The following NDST4 variants were observed in gnomAD, a reference collection of about 807,000 sequenced individuals.
The protein encoded by NDST4 is N-heparan sulfate sulfotransferase 4.
In NDST4, 63 loss-of-function variants were observed where a neutral mutation model predicts 100.8. The ratio of observed to expected loss-of-function variants is 0.62; its 90% confidence interval spans 0.51 to 0.77. NDST4 has a LOEUF of 0.77. Ranked by LOEUF, NDST4 falls within the 30% of genes least tolerant of loss-of-function variation. The pLI is 0.00. For synonymous variants in NDST4, 377 were observed against 361.8 expected (o/e 1.04, Z -0.48); for missense variants, 943 against 1,018.4 (o/e 0.93, Z 1.01).
chr4:114,893,431 G>A (rs1724641806), intron 6 of NDST4, among the ~76,000 whole-genome samples: 1 of 151,986 alleles, frequency 6.6e-6, no homozygotes, highest in African/African-American at 2.4e-5. Context: ...TTTAATAATT[G>A]CCATTCTGAC....
Position 114,889,997 on chromosome 4 carries a change from C to T in NDST4, c.1537-19047G>A, listed in dbSNP as rs530013286. The stretch of plus-strand genomic sequence containing the variant: ...AGTTGGGCCTGAAAAAATCTTGGTG[C>T]CTTTCTCAAGCTATTCTTTGGAAAC... On this transcript the variant is annotated intron_variant, in intron 6 of 13. Transcript: ENST00000264363. Among the ~76,000 whole-genome samples the T allele has an allele frequency of 2.0e-5, 3 of 152,162 alleles. No individual in the cohort carries two copies. In the South Asian group the frequency reaches 6.2e-4, roughly 32 times the overall value.
At chr4:115,068,815 C>CAAAAAAAAAA (rs34003720) in intron 2 of NDST4, among the ~76,000 whole-genome samples, 2 of 77,614 alleles carry the variant, frequency 2.6e-5, no homozygotes, top group African/African-American at 8.3e-5. Flanking sequence ...GGCTCCATCT[C>CAAAAAAAAAA]AAAAAAAAAA....
chr4:114,994,351 T>C (rs140404470), intron 2 of NDST4, among the ~76,000 whole-genome samples: 3 of 152,130 alleles, frequency 2.0e-5, no homozygotes, highest in African/African-American at 7.2e-5. Context: ...GAACCTTTCT[T>C]TCTTTGCAAG....
chr4:114,938,243 G>A (rs1298078674), intron 4 of NDST4, among the ~76,000 whole-genome samples: 1 of 152,092 alleles, frequency 6.6e-6, no homozygotes, highest in African/African-American at 2.4e-5. Context: ...GATACCCAGG[G>A]TAAAGGAAAG....
chr4:114,930,849 T>C (rs1404535689), intron 6 of NDST4, among the ~76,000 whole-genome samples: 2 of 152,024 alleles, frequency 1.3e-5, no homozygotes, highest in African/African-American at 4.8e-5. Context: ...TGTACATCTA[T>C]TTATAACAGA....
At chr4:114,893,734 C>T (rs889687589) in intron 6 of NDST4, among the ~76,000 whole-genome samples, 3 of 152,050 alleles carry the variant, frequency 2.0e-5, no homozygotes, top group Non-Finnish European at 2.9e-5. Flanking sequence ...TCCAGAAGCT[C>T]TTTAGTTTAA....
At chr4:115,108,608 T>C (rs141804827) in intron 1 of NDST4, among the ~76,000 whole-genome samples, 1 of 151,958 alleles carries the variant, frequency 6.6e-6, no homozygotes, top group East Asian at 1.9e-4. Flanking sequence ...ATCTGCTATA[T>C]GGAAAAGATG....
intron 6 of NDST4, among the ~76,000 whole-genome samples, chr4:114,896,622 C>CAA (rs34174566): frequency 0.035 from 3,663 of 103,804 alleles, 103 homozygotes; most frequent in African/African-American, 0.087. Flanking sequence ...GACTCCGTCT[C>CAA]AAAAAAAAAA....
At chr4:114,867,187 C>T (rs1344816632) in intron 7 of NDST4, among the ~76,000 whole-genome samples, 1 of 152,110 alleles carries the variant, frequency 6.6e-6, no homozygotes, top group Non-Finnish European at 1.5e-5. Context: ...ATCTTTAATT[C>T]TCTGTGTCAG....
intron 4 of NDST4, among the ~76,000 whole-genome samples, chr4:114,949,955 A>G (rs1272398466): frequency 3.9e-5 from 6 of 152,088 alleles, no homozygotes; most frequent in African/African-American, 1.4e-4. Context: ...TAAGCAGTCT[A>G]CTTCCTATGT....
At chr4:115,056,872 G>A (rs1002173642) in intron 2 of NDST4, among the ~76,000 whole-genome samples, 4 of 146,684 alleles carry the variant, frequency 2.7e-5, no homozygotes, top group South Asian at 2.1e-4. Context: ...GGATGATTAC[G>A]GTCAGAGATC....
intron 2 of NDST4, among the ~76,000 whole-genome samples, chr4:115,061,275 A>G (rs908993856): frequency 6.6e-6 from 1 of 152,132 alleles, no homozygotes; most frequent in Admixed American, 6.6e-5. Context: ...ATTACTGGGT[A>G]TATACCCAAA....
rs759631278 is a variant in NDST4, at chr4:115,076,828, G to C, written c.209C>G (p.Pro70Arg). The change falls in exon 2 of 14, where the codon CCT becomes CGT. Residue 70 changes from proline to arginine, a missense_variant. This residue lies in a region of NDST4 where 417 missense variants were observed against 384.2 expected (regional missense o/e 1.09). Coordinates refer to ENST00000264363, the MANE Select transcript of NDST4 (RefSeq NM_022569.3). The part of the protein sequence containing the change: ...YRSMELKTVK[P>R]IDTSKTDPTV... ...AGGGTCCGTTTTGGATGTGTCAATA[G>C]GTTTAACTGTTTTCAGCTCCATTGA... 1.1e-5 allele frequency: 18 copies of C among 1,613,870 alleles called. No individual in the cohort carries two copies. Among genetic ancestry groups the C allele is most frequent in the Non-Finnish European group, 1.4e-5 (17 of 1,179,908 alleles).
chr4:114,840,666 G>C (rs1578336769), intron 10 of NDST4, among the ~76,000 whole-genome samples: 1 of 152,290 alleles, frequency 6.6e-6, no homozygotes, highest in South Asian at 2.1e-4. Flanking sequence ...AGGTAAGTTT[G>C]AGCTAAGATA....
At chr4:114,952,142 T>G (rs1726003634) in intron 4 of NDST4, among the ~76,000 whole-genome samples, 1 of 152,092 alleles carries the variant, frequency 6.6e-6, no homozygotes, top group East Asian at 1.9e-4. Context: ...AAGAATGATT[T>G]TTAAGGCTTT....
At chr4:115,073,500 T>C (rs543658903) in intron 2 of NDST4, among the ~76,000 whole-genome samples, 4 of 151,940 alleles carry the variant, frequency 2.6e-5, no homozygotes, top group African/African-American at 7.2e-5. Context: ...AAGAAGAAAA[T>C]TCTGTAATTT....
chr4:114,931,184 A>G (rs1725505334), intron 6 of NDST4, among the ~76,000 whole-genome samples: 1 of 151,694 alleles, frequency 6.6e-6, no homozygotes, highest in South Asian at 2.1e-4. Flanking sequence ...ATAATTAAAA[A>G]TAGAAGCCAA....
At chr4:114,935,479 T>G (rs1319540646) in intron 5 of NDST4, 145 bp from the exon 6 acceptor site, 1 of 645,662 alleles carries the variant, frequency 1.5e-6, no homozygotes, top group African/African-American at 1.9e-5. Context: ...AATCACAAGT[T>G]GATGTTGGTG....
chr4:114,847,444 C>T (rs1398862286), intron 9 of NDST4, among the ~76,000 whole-genome samples: 1 of 124,446 alleles, frequency 8.0e-6, no homozygotes. Context: ...CAGGTTCATG[C>T]ATGATGATGA....
Sources: gnomAD v4.1 joint callset for allele counts (sites outside exome capture counted in the v4.1 genomes callset) on GRCh38, gnomAD v4.1.1 for gene constraint, gnomAD v4.1.1 regional missense constraint, MANE v1.5 for transcripts, NCBI Gene and HGNC (gene_info 2026-07-23, HGNC 2026-07-21) for gene names.